MGAT4B: variants seen among roughly 807,000 people sequenced by gnomAD.
The protein encoded by MGAT4B is alpha-1,3-mannosyl-glycoprotein 4-beta-N-acetylglucosaminyltransferase B, also known as N-acetylglucosaminyltransferase IVb.
Under a neutral mutation model 73.9 loss-of-function variants are expected in MGAT4B, and 38 were observed. That is an observed-to-expected ratio of 0.51 (90% confidence interval 0.40 to 0.67). The LOEUF (loss-of-function observed/expected upper bound fraction) is 0.67. Ranked by LOEUF, MGAT4B falls within the 30% of genes least tolerant of loss-of-function variation. MGAT4B has a pLI of 0.00. For synonymous variants in MGAT4B, 373 were observed against 313.5 expected (o/e 1.19, Z -2.01); for missense variants, 686 against 735.2 (o/e 0.93, Z 0.77).
rs1410128012 is a variant in MGAT4B, at chr5:179,806,679, G to GGCA, written c.-99_-97dup. The GGCA allele has an allele frequency of 7.1e-5, 36 of 509,610 alleles. No individual in the cohort carries two copies. The highest frequency in any genetic ancestry group is 9.1e-5 in the Non-Finnish European group (36 of 396,636). The allele number at this position is 509,610 out of a possible 1,614,324, so 31.6% of individuals were successfully genotyped here. On this transcript the variant is annotated 5_prime_UTR_variant, in exon 1 of 15. Transcript: ENST00000292591. This position sits in a 1 kb window ranked among gnomAD's most constrained non-coding sequence, Gnocchi z 4.6. ...GGGGTCGGAAGGCGGCGGCGGCGGCGGCAGGGGCCCCGGCCCCGGGTCGGG... is the reference window on the plus strand; with the variant it reads ...GGGGTCGGAAGGCGGCGGCGGCGGCGGCAGCAGGGGCCCCGGCCCCGGGTCGGG...
intron 1 of MGAT4B, among the ~76,000 whole-genome samples, chr5:179,804,312 T>C (rs901622276): frequency 1.2e-4 from 19 of 152,306 alleles, no homozygotes; most frequent in Admixed American, 1.1e-3. Context: ...GGTGTCTGCC[T>C]CCTCTCCAGA....
At position 179,801,209 on chromosome 5, in the gene MGAT4B, C is replaced by T; in HGVS notation, c.558+125G>A. On this transcript the variant is annotated intron_variant, in intron 4 of 14. Transcript: ENST00000292591. The surrounding 1 kb of genome is among the most constrained non-coding windows in gnomAD (Gnocchi z 4.8). ...GCCCTTTCAACTTTCTATCTCGGAG[C>T]ATTTGCGAATGAAACTAGCAACTGA... 7.3e-7 allele frequency: 1 copy of T among 1,368,314 alleles called. No individual in the cohort carries two copies. The highest frequency in any genetic ancestry group is 9.8e-7 in the Non-Finnish European group (1 of 1,024,946). The allele number at this position is 1,368,314 out of a possible 1,614,324, so 84.8% of individuals were successfully genotyped here. A position where few individuals can be genotyped will look rare whatever the true frequency, so the allele number is the denominator to read the frequency against.
In MGAT4B at chr5:179,806,462, C is replaced by T. The variant is rs1045792089; in HGVS notation, c.97+25G>A. The T allele has an allele frequency of 1.6e-6, 2 of 1,240,708 alleles. No homozygotes were observed. The highest frequency in any genetic ancestry group is 1.6e-5 in the African/African-American group (1 of 62,842). The allele number at this position is 1,240,708 out of a possible 1,614,324, so 76.9% of individuals were successfully genotyped here. A position where few individuals can be genotyped will look rare whatever the true frequency, so the allele number is the denominator to read the frequency against. On this transcript the variant is annotated intron_variant, in intron 1 of 14. Coordinates refer to ENST00000292591, the MANE Select transcript of MGAT4B (RefSeq NM_014275.5). The surrounding 1 kb of genome is among the most constrained non-coding windows in gnomAD (Gnocchi z 4.6). ...CGCCGACGCCCAGGTGCGCCAGGTG[C>T]GGGCCGGGCGGGGGTCGCGCTCACC...
In MGAT4B at chr5:179,801,817, C is replaced by T. The variant is rs776791690; in HGVS notation, c.250G>A (p.Gly84Arg). The T allele has an allele frequency of 8.1e-6, 13 of 1,601,832 alleles. No homozygotes were observed. The highest frequency in any genetic ancestry group is 6.6e-5 in the South Asian group (6 of 90,720). ...AVSERQALRD[G>R]DGNRTWGRLT... ...CGGCCCCAGGTGCGATTGCCGTCTC[C>T]GTCTCGCAGCGCCTGCCTTTCTGAC... Residue 84 changes from glycine to arginine, a missense_variant, in exon 2 of 15, where the codon GGA becomes AGA. By Grantham distance (125) the Gly-to-Arg change is moderately radical (BLOSUM62 -2). Around this residue, in one of 2 missense-constraint regions of MGAT4B, gnomAD observed 237 missense variants for 198.5 expected, o/e 1.19. Transcript: ENST00000292591. The surrounding 1 kb of genome is among the most constrained non-coding windows in gnomAD (Gnocchi z 4.8).
At position 179,800,606 on chromosome 5, in the gene MGAT4B, C is replaced by T. The variant is rs528932744; in HGVS notation, c.606-9G>A. ...GGATCTCCGTGGGGAACCTGGGGGA[C>T]GGGAAGGCCTAGTCCGTATGCAGCC... On this transcript the variant is annotated splice_polypyrimidine_tract_variant and intron_variant, in intron 5 of 14. Coordinates refer to ENST00000292591, the MANE Select transcript of MGAT4B (RefSeq NM_014275.5). 43 of 1,571,620 alleles carry T rather than the reference C, an allele frequency of 2.7e-5. No homozygotes were observed. The highest frequency in any genetic ancestry group is 3.6e-5 in the Non-Finnish European group (41 of 1,146,666).
Position 179,800,036 on chromosome 5 carries a change from G to A in MGAT4B, c.828C>T (p.Tyr276=). The change falls in exon 8 of 15, where the codon TAC becomes TAT. Residue 276 remains tyrosine, a synonymous_variant. Transcript: ENST00000292591. ...LEDDIVAKPN[Y]LSTMKNFALQ... is the part of the protein sequence containing the mutation. The stretch of plus-strand genomic sequence containing the variant: ...GTGCAAAGTTCTTCATGGTGCTCAG[G>A]TAGTTGGGCTTGGCCACGATGTCAT... The A allele has an allele frequency of 1.2e-6, 2 of 1,614,066 alleles. No homozygotes were observed. The highest frequency in any genetic ancestry group is 1.1e-5 in the South Asian group (1 of 91,088).
In MGAT4B at chr5:179,802,355, C is replaced by A. The variant is rs148659520; in HGVS notation, c.98-386G>T. 31 of 1,308,534 alleles carry A rather than the reference C, an allele frequency of 2.4e-5. No homozygotes were observed. The African/African-American group carries it at 4.2e-4, about 18-fold the overall frequency. 81.1% of individuals were successfully genotyped at this position (1,308,534 alleles called of 1,614,324 possible). A position where few individuals can be genotyped will look rare whatever the true frequency, so the allele number is the denominator to read the frequency against. ...CCACTCTTGCTTTTTGCAGCACACG[C>A]TCCCTCCAGCGGGTGGGCTACCCAA... On this transcript the variant is annotated intron_variant, in intron 1 of 14. Transcript: ENST00000292591.
At position 179,806,366 on chromosome 5, in the gene MGAT4B, C is replaced by A; in HGVS notation, c.97+121G>T. ...GGGTGGGAGGGGCGTCCTCGCGCCG[C>A]CCGGGCGGGGAAGGGGCGCCTGCGT... On this transcript the variant is annotated intron_variant, in intron 1 of 14. Coordinates refer to ENST00000292591, the MANE Select transcript of MGAT4B (RefSeq NM_014275.5). The surrounding 1 kb of genome is among the most constrained non-coding windows in gnomAD (Gnocchi z 4.6). The A allele has an allele frequency of 2.4e-6, 1 of 414,784 alleles. No homozygotes were observed. The allele number at this position is 414,784 out of a possible 1,614,324, so 25.7% of individuals were successfully genotyped here.
intron 8 of MGAT4B, 130 bp downstream of exon 8, chr5:179,799,824 G>C: frequency 8.1e-7 from 1 of 1,227,060 alleles, no homozygotes. Flanking sequence ...AGGCCAGGTG[G>C]GGCTGTAGCA....
At position 179,797,775 on chromosome 5, in the gene MGAT4B, A is replaced by T; in HGVS notation, c.*270T>A. 2.4e-6 allele frequency: 1 copy of T among 420,018 alleles called. No homozygotes were observed. Among genetic ancestry groups the T allele is most frequent in the Non-Finnish European group, 4.2e-6 (1 of 236,080 alleles). 26.0% of individuals were successfully genotyped at this position (420,018 alleles called of 1,614,324 possible). ...GCGCCCAAGTAAAAGCTCTTCTAAA[A>T]CGGCCTGACTGGGGCAGGCCGGGTG... On this transcript the variant is annotated 3_prime_UTR_variant, in exon 15 of 15. Coordinates refer to ENST00000292591, the MANE Select transcript of MGAT4B (RefSeq NM_014275.5).
chr5:179,798,610 G>A lies in MGAT4B; in HGVS notation c.1344-19C>T, dbSNP rs1404975848. Reference sequence around the variant, plus strand: ...GAAGAACCTGCAGCCAGGCAGGCCTGTGAGCTGCTGCAGGGGCAGCGTTCC... The same window carrying A: ...GAAGAACCTGCAGCCAGGCAGGCCTATGAGCTGCTGCAGGGGCAGCGTTCC... On this transcript the variant is annotated intron_variant, in intron 11 of 14. Coordinates refer to ENST00000292591, the MANE Select transcript of MGAT4B (RefSeq NM_014275.5). The A allele has an allele frequency of 1.1e-5, 17 of 1,612,566 alleles. No individual in the cohort carries two copies. In the South Asian group the frequency reaches 1.6e-4, roughly 16 times the overall value.
intron 8 of MGAT4B, 118 bp from the exon 9 acceptor site, chr5:179,799,754 G>T: frequency 6.8e-7 from 1 of 1,469,782 alleles, no homozygotes; most frequent in Non-Finnish European, 9.4e-7. Flanking sequence ...TGGGCATAAC[G>T]GGGCAGGGAG....
Position 179,801,807 on chromosome 5 carries a change from T to A in MGAT4B, c.260A>T (p.Asn87Ile), listed in dbSNP as rs772626729. The A allele has an allele frequency of 6.3e-7, 1 of 1,597,746 alleles. No individual in the cohort carries two copies. Among genetic ancestry groups the A allele is most frequent in the African/African-American group, 1.3e-5 (1 of 74,526 alleles). The change falls in exon 2 of 15, where the codon AAT becomes ATT. Residue 87 changes from asparagine to isoleucine, a missense_variant. Asn to Ile is a moderately radical substitution (Grantham distance 149, BLOSUM62 -3). Around this residue, in one of 2 missense-constraint regions of MGAT4B, gnomAD observed 237 missense variants for 198.5 expected, o/e 1.19. Transcript: ENST00000292591. This position sits in a 1 kb window ranked among gnomAD's most constrained non-coding sequence, Gnocchi z 4.8. ...ACCTGTTAGGCGGCCCCAGGTGCGA[T>A]TGCCGTCTCCGTCTCGCAGCGCCTG... is the stretch of plus-strand genomic sequence containing the variant. ...ERQALRDGDGNRTWGRLTEDP... is the reference protein window; with the variant it reads ...ERQALRDGDGIRTWGRLTEDP...
Position 179,801,311 on chromosome 5 carries a change from A to G in MGAT4B, c.558+23T>C. ...CGGGGGCTCCTCTGAATGTCCCCCA[A>G]CCCCGCGTCCCGGCTCACTCGCCTC... On this transcript the variant is annotated intron_variant, in intron 4 of 14. Coordinates refer to ENST00000292591, the MANE Select transcript of MGAT4B (RefSeq NM_014275.5). The surrounding 1 kb of genome is among the most constrained non-coding windows in gnomAD (Gnocchi z 4.8). 1 of 1,596,652 alleles carries G rather than the reference A, an allele frequency of 6.3e-7. No homozygotes were observed.
At position 179,801,098 on chromosome 5, in the gene MGAT4B, A is replaced by T; in HGVS notation, c.559-145T>A. 1 of 1,198,762 alleles carries T rather than the reference A, an allele frequency of 8.3e-7. No homozygotes were observed. The highest frequency in any genetic ancestry group is 1.2e-6 in the Non-Finnish European group (1 of 856,440). 74.3% of individuals were successfully genotyped at this position (1,198,762 alleles called of 1,614,324 possible). On this transcript the variant is annotated intron_variant, in intron 4 of 14. Transcript: ENST00000292591. This position sits in a 1 kb window ranked among gnomAD's most constrained non-coding sequence, Gnocchi z 4.8. Reference sequence around the variant, plus strand: ...CTGAGGGCGGAGTAAGGGGGCCCCCAGAGACGGCCCTTTCCCTTTGGGACT... The same window carrying T: ...CTGAGGGCGGAGTAAGGGGGCCCCCTGAGACGGCCCTTTCCCTTTGGGACT...
intron 9 of MGAT4B, 40 bp downstream of exon 9, chr5:179,799,466 C>T: frequency 6.2e-7 from 1 of 1,612,528 alleles, no homozygotes; most frequent in African/African-American, 1.3e-5. Flanking sequence ...CTGCCTGCCC[C>T]TTGGCCCTGC....
chr5:179,799,642 G>C lies in MGAT4B; in HGVS notation c.911-6C>G. 6.2e-7 allele frequency: 1 copy of C among 1,613,510 alleles called. No individual in the cohort carries two copies. The highest frequency in any genetic ancestry group is 8.5e-7 in the Non-Finnish European group (1 of 1,180,012). On this transcript the variant is annotated splice_region_variant and splice_polypyrimidine_tract_variant and intron_variant, in intron 8 of 14. Transcript: ENST00000292591. ...CAGCGACTTGAACATCTTACCTGGT[G>C]GGGAGGGGCCTGAGTGGGCAGTGCT...
chr5:179,800,466 T>G lies in MGAT4B; in HGVS notation c.719+18A>C. ...ACAGGCAGGCGGGTTGCTGAGGGTA[T>G]GGGGGAGTAACTAGTACCTGACTCT... On this transcript the variant is annotated intron_variant, in intron 6 of 14. Transcript: ENST00000292591. 1.3e-6 allele frequency: 2 copies of G among 1,546,590 alleles called. No homozygotes were observed. The highest frequency in any genetic ancestry group is 1.8e-6 in the Non-Finnish European group (2 of 1,127,248).
At chr5:179,804,096 CCTCCCCTGGAGGCGAGTCATT>C (rs1222059458) in intron 1 of MGAT4B, among the ~76,000 whole-genome samples, 1 of 152,226 alleles carries the variant, frequency 6.6e-6, no homozygotes, top group Non-Finnish European at 1.5e-5. Flanking sequence ...GCTGTGTCAC[CCTCCCCTGGAGGCGAGTCATT>C]AGGACATCCT....
Sources: allele counts gnomAD v4.1 joint callset (sites outside exome capture counted in the v4.1 genomes callset), GRCh38; gene constraint gnomAD v4.1.1; regional missense constraint gnomAD v4.1.1; non-coding constraint Gnocchi (gnomAD v3.1); transcripts MANE v1.5; gene names NCBI Gene and HGNC (gene_info 2026-07-23, HGNC 2026-07-21).